Variants in HS6ST3 observed in about 807,000 individuals in gnomAD.
HS6ST3 encodes the protein heparan-sulfate 6-O-sulfotransferase 3.
HS6ST3 carries 12 observed loss-of-function variants against 36.7 expected under a neutral mutation model. The ratio of observed to expected loss-of-function variants is 0.33; its 90% CI spans 0.21 to 0.53. The LOEUF is 0.53. Ranked by LOEUF, HS6ST3 falls within the 20% of genes least tolerant of loss-of-function variation. HS6ST3 has a pLI of 0.95. For missense variants in HS6ST3, 584 were observed against 640.9 expected, an observed-to-expected ratio of 0.91 and a Z score of 0.96; for synonymous variants, 240 against 257.5, an observed-to-expected ratio of 0.93 and a Z score of 0.65.
intron 1 of HS6ST3, among the ~76,000 whole-genome samples, chr13:96,601,377 T>A (rs2056421082): frequency 6.6e-6 from 1 of 152,136 alleles, no homozygotes; most frequent in African/African-American, 2.4e-5. Flanking sequence ...AGTTTTGTCT[T>A]TATTCTTTCT....
intron 1 of HS6ST3, among the ~76,000 whole-genome samples, chr13:96,712,964 G>T (rs1183675033): frequency 2.0e-5 from 3 of 152,200 alleles, no homozygotes; most frequent in African/African-American, 4.8e-5. Flanking sequence ...AGAAGAAATT[G>T]TCTTCAAAAT....
At chr13:96,811,055 A>G (rs1878307245) in intron 1 of HS6ST3, among the ~76,000 whole-genome samples, 1 of 152,106 alleles carries the variant, frequency 6.6e-6, no homozygotes, top group Non-Finnish European at 1.5e-5. Context: ...TGATAAGGAA[A>G]CAATGTTCTG....
intron 1 of HS6ST3, among the ~76,000 whole-genome samples, chr13:96,800,434 G>A (rs1311866849): frequency 1.3e-5 from 2 of 151,948 alleles, no homozygotes; most frequent in Non-Finnish European, 2.9e-5. Context: ...GTTCATCGGA[G>A]CAGTGCAGTA....
intron 1 of HS6ST3, among the ~76,000 whole-genome samples, chr13:96,155,791 A>G (rs2054107587): frequency 2.0e-5 from 3 of 152,196 alleles, no homozygotes; most frequent in Admixed American, 2.0e-4. Flanking sequence ...TAATTTTCCA[A>G]AGATGTTTCT....
chr13:96,684,944 A>G (rs964906973), intron 1 of HS6ST3, among the ~76,000 whole-genome samples: 2 of 152,128 alleles, frequency 1.3e-5, no homozygotes, highest in African/African-American at 4.8e-5. Context: ...ATATATGTGT[A>G]TATGTGTATA....
intron 1 of HS6ST3, among the ~76,000 whole-genome samples, chr13:96,519,221 T>C (rs952073092): frequency 6.6e-6 from 1 of 152,198 alleles, no homozygotes. Flanking sequence ...TTGAGTCACT[T>C]TGTTAATGAC....
At chr13:96,502,132 T>A (rs988248053) in intron 1 of HS6ST3, among the ~76,000 whole-genome samples, 2 of 152,168 alleles carry the variant, frequency 1.3e-5, no homozygotes, top group African/African-American at 4.8e-5. Context: ...CTAACCTTAC[T>A]GTGTAGGTGG....
intron 1 of HS6ST3, among the ~76,000 whole-genome samples, chr13:96,432,081 G>A (rs1449642404): frequency 6.6e-6 from 1 of 152,118 alleles, no homozygotes; most frequent in African/African-American, 2.4e-5. Flanking sequence ...CCAGAACAAA[G>A]TATGGAAATG....
At chr13:96,239,366 C>G (rs1441026890) in intron 1 of HS6ST3, among the ~76,000 whole-genome samples, 1 of 152,172 alleles carries the variant, frequency 6.6e-6, no homozygotes, top group Admixed American at 6.5e-5. Context: ...TGAAAGGCAT[C>G]CCTTCATCTG....
intron 1 of HS6ST3, among the ~76,000 whole-genome samples, chr13:96,124,854 A>C (rs1453771928): frequency 6.6e-6 from 1 of 152,218 alleles, no homozygotes; most frequent in Non-Finnish European, 1.5e-5. Context: ...TTAGACGTTT[A>C]AGGTATGGTA....
chr13:96,351,200 A>T (rs1232755780), intron 1 of HS6ST3, among the ~76,000 whole-genome samples: 1 of 152,134 alleles, frequency 6.6e-6, no homozygotes, highest in Non-Finnish European at 1.5e-5. Flanking sequence ...ATTTTTAGTC[A>T]TATTATTAAG....
chr13:96,326,718 G>T (rs1301952174), intron 1 of HS6ST3, among the ~76,000 whole-genome samples: 1 of 152,042 alleles, frequency 6.6e-6, no homozygotes, highest in East Asian at 1.9e-4. Context: ...TGGGTCAAAT[G>T]GTATTTCTAG....
At chr13:96,684,373 C>G (rs1347138033) in intron 1 of HS6ST3, among the ~76,000 whole-genome samples, 2 of 152,118 alleles carry the variant, frequency 1.3e-5, no homozygotes, top group East Asian at 1.9e-4. Flanking sequence ...CTTTAAATAG[C>G]TAACTTAAAC....
intron 1 of HS6ST3, among the ~76,000 whole-genome samples, chr13:96,512,151 G>A (rs1301045903): frequency 1.3e-5 from 2 of 152,154 alleles, no homozygotes; most frequent in African/African-American, 4.8e-5. Flanking sequence ...TTGAACAGGA[G>A]TGGTGAAAGT....
intron 1 of HS6ST3, among the ~76,000 whole-genome samples, chr13:96,208,439 A>G (rs974564697): frequency 3.9e-5 from 6 of 152,284 alleles, no homozygotes; most frequent in African/African-American, 1.2e-4. Flanking sequence ...TTTCTGTAGG[A>G]TGAATTATTA....
chr13:96,522,364 G>A (rs900120758), intron 1 of HS6ST3, among the ~76,000 whole-genome samples: 1 of 152,114 alleles, frequency 6.6e-6, no homozygotes, highest in Non-Finnish European at 1.5e-5. Context: ...TGTCTATTAG[G>A]TCTGCTTGGT....
chr13:96,161,591 C>G (rs1224897047), intron 1 of HS6ST3, among the ~76,000 whole-genome samples: 1 of 152,160 alleles, frequency 6.6e-6, no homozygotes, highest in African/African-American at 2.4e-5. Flanking sequence ...ATACTAAACT[C>G]AATGATCAGG....
At chr13:96,620,122 C>A (rs2056488765) in intron 1 of HS6ST3, among the ~76,000 whole-genome samples, 1 of 152,130 alleles carries the variant, frequency 6.6e-6, no homozygotes, top group Non-Finnish European at 1.5e-5. Context: ...GATGGGGATG[C>A]CCATGCATGA....
intron 1 of HS6ST3, among the ~76,000 whole-genome samples, chr13:96,287,848 G>A (rs2054811094): frequency 1.3e-5 from 2 of 151,870 alleles, no homozygotes; most frequent in African/African-American, 4.8e-5. Flanking sequence ...CTATGTGCTA[G>A]GCTCTCTGCT....
Sources: allele counts gnomAD v4.1 joint callset (sites outside exome capture counted in the v4.1 genomes callset), GRCh38; gene constraint gnomAD v4.1.1; transcripts MANE v1.5; gene names NCBI Gene and HGNC (gene_info 2026-07-23, HGNC 2026-07-21).